The following SGCZ variants were observed in gnomAD, a reference collection of about 807,000 sequenced individuals.
SGCZ encodes the protein zeta-sarcoglycan.
In SGCZ, 40 loss-of-function variants were observed where a neutral mutation model predicts 41.3. The observed-to-expected ratio is 0.97, with a 90% confidence interval of 0.75 to 1.26. The LOEUF (loss-of-function observed/expected upper bound fraction) is 1.26, where lower values mean the gene tolerates loss of function less well. Ranked by LOEUF, SGCZ falls within the 50% of genes most tolerant of loss-of-function variation. The pLI is 0.00. For missense variants in SGCZ, 552 were observed against 369.8 expected (o/e 1.49, Z -4.04); for synonymous variants, 206 against 137.5 (o/e 1.50, Z -3.49).
chr8:14,498,044 G>C (rs569230316), intron 2 of SGCZ, among the ~76,000 whole-genome samples: 1 of 152,174 alleles, frequency 6.6e-6, no homozygotes, highest in Non-Finnish European at 1.5e-5. Flanking sequence ...TTTTATTCAT[G>C]CACATTGGCA....
At chr8:14,535,857 T>C (rs1803279691) in intron 2 of SGCZ, among the ~76,000 whole-genome samples, 2 of 151,854 alleles carry the variant, frequency 1.3e-5, no homozygotes, top group Admixed American at 6.6e-5. Context: ...TGAAGTAATA[T>C]TAAAAACCAT....
At chr8:15,047,097 G>C (rs1236812922) in intron 1 of SGCZ, among the ~76,000 whole-genome samples, 1 of 151,948 alleles carries the variant, frequency 6.6e-6, no homozygotes, top group African/African-American at 2.4e-5. Context: ...AATGTATAAT[G>C]CCTGTCCCTC....
At chr8:14,616,710 A>C (rs1470959995) in intron 1 of SGCZ, among the ~76,000 whole-genome samples, 1 of 152,148 alleles carries the variant, frequency 6.6e-6, no homozygotes, top group African/African-American at 2.4e-5. Context: ...GACACGTTTA[A>C]TTTAGACTAG....
intron 1 of SGCZ, among the ~76,000 whole-genome samples, chr8:14,935,880 G>A (rs1034437185): frequency 6.6e-6 from 1 of 151,782 alleles, no homozygotes; most frequent in Non-Finnish European, 1.5e-5. Context: ...AAGAAAAAAT[G>A]ATGAAAACCA....
chr8:14,728,507 G>A (rs1283532188), intron 1 of SGCZ, among the ~76,000 whole-genome samples: 2 of 151,780 alleles, frequency 1.3e-5, no homozygotes, highest in African/African-American at 4.8e-5. Context: ...AAAAAGACAC[G>A]AAAATGAATT....
intron 1 of SGCZ, among the ~76,000 whole-genome samples, chr8:14,835,053 T>C (rs969355181): frequency 1.2e-4 from 18 of 152,320 alleles, no homozygotes; most frequent in African/African-American, 3.6e-4. Context: ...AAATTAAAGA[T>C]TCAAAATGAT....
intron 1 of SGCZ, among the ~76,000 whole-genome samples, chr8:15,001,283 A>C (rs1399932806): frequency 2.0e-5 from 3 of 152,222 alleles, no homozygotes; most frequent in Non-Finnish European, 4.4e-5. Context: ...TCAAACACCA[A>C]ACTTCAGCCC....
At chr8:14,314,337 C>G (rs1327193330) in intron 3 of SGCZ, among the ~76,000 whole-genome samples, 2 of 152,052 alleles carry the variant, frequency 1.3e-5, no homozygotes, top group Non-Finnish European at 2.9e-5. Flanking sequence ...CTATCTCATA[C>G]TTTCTTCTAA....
In SGCZ at chr8:14,090,555, G is replaced by C. The variant is rs1471196150; in HGVS notation, c.827C>G (p.Ser276Cys). The C allele has an allele frequency of 6.2e-7, 1 of 1,613,072 alleles. No individual in the cohort carries two copies. Among genetic ancestry groups the C allele is most frequent in the South Asian group, 1.1e-5 (1 of 91,038 alleles). ...GCAGAGTTCATACACTGTCTGTCGA[G>C]AACTTGAGGAGCTGGGTGAAGAAGA... Reference protein sequence around the residue: ...FSSSSPSSSSSRQTVYELCVC... With the variant: ...FSSSSPSSSSCRQTVYELCVC... The change falls in exon 8 of 8, where the codon TCT becomes TGT. Residue 276 changes from serine (S) to cysteine (C), a missense_variant. By Grantham distance (112) the Ser-to-Cys change is moderately radical. Coordinates refer to ENST00000382080, the MANE Select transcript of SGCZ (RefSeq NM_139167.4).
chr8:15,157,376 G>A (rs116191492), intron 1 of SGCZ, among the ~76,000 whole-genome samples: 70 of 151,490 alleles, frequency 4.6e-4, no homozygotes, highest in African/African-American at 1.6e-3. Context: ...TGCAGATTAC[G>A]CCACTGTACT....
chr8:14,721,523 G>T (rs1024964983), intron 1 of SGCZ, among the ~76,000 whole-genome samples: 1 of 151,996 alleles, frequency 6.6e-6, no homozygotes, highest in Non-Finnish European at 1.5e-5. Context: ...ATTTCACATC[G>T]GCCCATCAAT....
chr8:14,854,797 G>A (rs968650691), intron 1 of SGCZ, among the ~76,000 whole-genome samples: 3 of 151,880 alleles, frequency 2.0e-5, no homozygotes, highest in East Asian at 1.9e-4. Context: ...TAGGTCAATT[G>A]GGATCAGTCT....
intron 1 of SGCZ, among the ~76,000 whole-genome samples, chr8:14,595,400 A>AACACACACACACACACAC (rs34287378): frequency 1.5e-5 from 2 of 136,314 alleles, no homozygotes; most frequent in Non-Finnish European, 3.2e-5. Flanking sequence ...AACATGCACA[A>AACACACACACACACACAC]ACACACACAC....
chr8:14,478,283 A>T (rs925813371), intron 2 of SGCZ, among the ~76,000 whole-genome samples: 5 of 152,362 alleles, frequency 3.3e-5, no homozygotes, highest in African/African-American at 1.2e-4. Context: ...GTAAGCAACC[A>T]AGATGTCCCT....
chr8:15,039,731 G>T (rs1223813335), intron 1 of SGCZ, among the ~76,000 whole-genome samples: 1 of 152,106 alleles, frequency 6.6e-6, no homozygotes, highest in Non-Finnish European at 1.5e-5. Context: ...CCAACTGTAT[G>T]GTGAAAATAA....
chr8:14,601,952 C>T (rs920614874), intron 1 of SGCZ, among the ~76,000 whole-genome samples: 1 of 151,992 alleles, frequency 6.6e-6, no homozygotes, highest in African/African-American at 2.4e-5. Flanking sequence ...AACCCCGTCT[C>T]TACTGAAAAC....
At chr8:14,868,482 G>C (rs1286397028) in intron 1 of SGCZ, among the ~76,000 whole-genome samples, 1 of 152,000 alleles carries the variant, frequency 6.6e-6, no homozygotes, top group Non-Finnish European at 1.5e-5. Flanking sequence ...TCATTTTTGT[G>C]TTATGAATAG....
At chr8:15,157,072 T>C (rs746704689) in intron 1 of SGCZ, among the ~76,000 whole-genome samples, 8 of 152,056 alleles carry the variant, frequency 5.3e-5, no homozygotes, top group Non-Finnish European at 7.4e-5. Flanking sequence ...GAACCTCCAA[T>C]TTACATGAGC....
At chr8:14,194,670 A>G (rs1805209209) in intron 4 of SGCZ, among the ~76,000 whole-genome samples, 1 of 152,058 alleles carries the variant, frequency 6.6e-6, no homozygotes, top group South Asian at 2.1e-4. Flanking sequence ...AACAGGAACA[A>G]AATACAAAAT....
Sources: allele counts gnomAD v4.1 joint callset (sites outside exome capture counted in the v4.1 genomes callset), GRCh38; gene constraint gnomAD v4.1.1; transcripts MANE v1.5; gene names NCBI Gene and HGNC (gene_info 2026-07-23, HGNC 2026-07-21).